NOS1: variants seen among roughly 807,000 people sequenced by gnomAD.
NOS1 encodes the protein nitric oxide synthase 1.
A neutral mutation model predicts 164.5 loss-of-function variants in NOS1; 51 were observed. The ratio of observed to expected loss-of-function variants is 0.31; its 90% CI spans 0.25 to 0.39. The LOEUF (loss-of-function observed/expected upper bound fraction) is 0.39. NOS1 is among the 10% of genes least tolerant of loss of function. The probability of loss-of-function intolerance (pLI) is 1.00; values close to 1 mark genes in which losing one functional copy is unlikely to be tolerated. For synonymous variants in NOS1, 719 were observed against 745.8 expected, an observed-to-expected ratio of 0.96 and a Z score of 0.59; for missense variants, 1,362 against 1,885.6, an observed-to-expected ratio of 0.72 and a Z score of 5.14.
chr12:117,312,789 G>T (rs1473839668), intron 2 of NOS1, among the ~76,000 whole-genome samples: 3 of 151,994 alleles, frequency 2.0e-5, no homozygotes, highest in Non-Finnish European at 2.9e-5. Flanking sequence ...GTTGCTCAAG[G>T]TCACACAGTG....
intron 16 of NOS1, 21 bp from the exon 17 acceptor site, chr12:117,253,775 C>A: frequency 6.4e-7 from 1 of 1,559,662 alleles, no homozygotes; most frequent in Non-Finnish European, 8.8e-7. Context: ...CAAAGAGAAC[C>A]TGTGAGCTCT....
At chr12:117,257,607 CTTTTTTTTT>C (rs151304592) in intron 16 of NOS1, among the ~76,000 whole-genome samples, 3 of 99,122 alleles carry the variant, frequency 3.0e-5, no homozygotes, top group African/African-American at 4.4e-5. Flanking sequence ...TTGATTTTAG[CTTTTTTTTT>C]TTTTTTTTTT....
intron 1 of NOS1, among the ~76,000 whole-genome samples, chr12:117,355,254 G>A (rs1378725098): frequency 6.6e-6 from 1 of 152,170 alleles, no homozygotes; most frequent in East Asian, 1.9e-4. Flanking sequence ...GAAATGCCCA[G>A]GCTGGAAATG....
intron 1 of NOS1, among the ~76,000 whole-genome samples, chr12:117,353,668 G>T (rs1876734812): frequency 6.6e-6 from 1 of 152,210 alleles, no homozygotes; most frequent in African/African-American, 2.4e-5. Context: ...TTAGCATCAT[G>T]TAGGCTGGTT....
Position 117,213,681 on chromosome 12 carries a change from A to G in NOS1, c.*1628T>C. ...AACAAGATATGCCCACGTACAGTAT[A>G]TAAAAGAAATGTGGTTTTTCTGTAT... On this transcript the variant is annotated 3_prime_UTR_variant, in exon 29 of 29. Transcript: ENST00000317775. 1 of 985,464 alleles carries G rather than the reference A, an allele frequency of 1.0e-6. No homozygotes were observed. Among genetic ancestry groups the G allele is most frequent in the Non-Finnish European group, 1.2e-6 (1 of 829,936 alleles). The allele number at this position is 985,464 out of a possible 1,614,324, so 61.0% of individuals were successfully genotyped here. A position where few individuals can be genotyped will look rare whatever the true frequency, so the allele number is the denominator to read the frequency against.
intron 2 of NOS1, among the ~76,000 whole-genome samples, chr12:117,325,687 AC>A (rs1201671442): frequency 6.6e-6 from 1 of 152,194 alleles, no homozygotes; most frequent in Non-Finnish European, 1.5e-5. Context: ...AAATTGATTT[AC>A]CCATCGTTTT....
At chr12:117,223,000 T>G (rs564521890) in intron 25 of NOS1, 137 bp from the exon 26 acceptor site, 2 of 939,498 alleles carry the variant, frequency 2.1e-6, no homozygotes, top group Admixed American at 2.5e-5. Flanking sequence ...GACAGGCAGA[T>G]GTATGCGTGC....
intron 9 of NOS1, among the ~76,000 whole-genome samples, chr12:117,277,692 G>T (rs1592980233): frequency 6.6e-6 from 1 of 152,184 alleles, no homozygotes; most frequent in African/African-American, 2.4e-5. Context: ...AATGCTTAGG[G>T]CTGGAAGAAG....
At chr12:117,240,550 C>T (rs778065713) in intron 20 of NOS1, among the ~76,000 whole-genome samples, 14 of 152,180 alleles carry the variant, frequency 9.2e-5, no homozygotes, top group South Asian at 4.1e-4. Flanking sequence ...GTCAGATAAC[C>T]GGGTCGGTGT....
intron 10 of NOS1, among the ~76,000 whole-genome samples, chr12:117,271,556 G>A (rs938540768): frequency 2.6e-5 from 4 of 152,184 alleles, no homozygotes; most frequent in African/African-American, 7.2e-5. Context: ...TTACAGGCAT[G>A]AGCCACCGCG....
chr12:117,321,866 C>T (rs1874942634), intron 2 of NOS1, among the ~76,000 whole-genome samples: 1 of 152,056 alleles, frequency 6.6e-6, no homozygotes, highest in Non-Finnish European at 1.5e-5. Context: ...CAGTCCTCTT[C>T]CCTGCTGTAG....
intron 2 of NOS1, among the ~76,000 whole-genome samples, chr12:117,314,562 C>T (rs1874587834): frequency 6.6e-6 from 1 of 152,072 alleles, no homozygotes; most frequent in South Asian, 2.1e-4. Flanking sequence ...GCATATAGTA[C>T]AGCTGGGATT....
rs188225824 is a variant in NOS1, at chr12:117,265,337, G to A, written c.2115C>T (p.Leu705=). The A allele has an allele frequency of 1.9e-5, 29 of 1,555,868 alleles. No individual in the cohort carries two copies. The African/African-American group carries it at 3.1e-4, about 17-fold the overall frequency. ...VFHQEMLNYR[L]TPSFEYQPDP... ...GGACCTGGTATTCGAAGGAGGGGGTGAGCCGGTAGTTGAGCATCTCCTGGT... is the reference window on the plus strand; with the variant it reads ...GGACCTGGTATTCGAAGGAGGGGGTAAGCCGGTAGTTGAGCATCTCCTGGT... The change falls in exon 12 of 29, where the codon CTC becomes CTT. Residue 705 remains leucine, a synonymous_variant. Coordinates refer to ENST00000317775, the MANE Select transcript of NOS1 (RefSeq NM_000620.5).
intron 2 of NOS1, among the ~76,000 whole-genome samples, chr12:117,325,148 T>C (rs1358956105): frequency 1.3e-5 from 2 of 152,112 alleles, no homozygotes; most frequent in African/African-American, 2.4e-5. Context: ...TGGGTTTTCT[T>C]GGGCCAGTGA....
intron 7 of NOS1, among the ~76,000 whole-genome samples, chr12:117,281,962 G>T (rs745844410): frequency 6.6e-6 from 1 of 151,866 alleles, no homozygotes; most frequent in Non-Finnish European, 1.5e-5. Context: ...TCATTAAAAA[G>T]CAATCAGCTT....
chr12:117,226,778 A>T lies in NOS1; in HGVS notation c.3617-8T>A. 1 of 1,612,488 alleles carries T rather than the reference A, an allele frequency of 6.2e-7. No individual in the cohort carries two copies. The highest frequency in any genetic ancestry group is 8.5e-7 in the Non-Finnish European group (1 of 1,178,828). On this transcript the variant is annotated splice_region_variant and splice_polypyrimidine_tract_variant and intron_variant, in intron 23 of 28. Coordinates refer to ENST00000317775, the MANE Select transcript of NOS1 (RefSeq NM_000620.5). The stretch of plus-strand genomic sequence containing the variant: ...GAATTGGTCCTTCTCCATCTAGTAG[A>T]ATAACCAAGGCAGTCAGGGCCACCC...
rs949696308 is a variant in NOS1 at position 117,255,838 on chromosome 12, T to A, written c.2532-2084A>T. ...GACACAGCTCAGGTTAGAACTCGGA[T>A]CTCCTTGAGACCTAGATGTGTGGCC... On this transcript the variant is annotated intron_variant, in intron 16 of 28. Coordinates refer to ENST00000317775, the MANE Select transcript of NOS1 (RefSeq NM_000620.5). 11 of 652,288 alleles carry A rather than the reference T, an allele frequency of 1.7e-5. No individual in the cohort carries two copies. In the African/African-American group the frequency reaches 2.0e-4, roughly 12 times the overall value. 40.4% of individuals were successfully genotyped at this position (652,288 alleles called of 1,614,324 possible).
chr12:117,268,791 G>A (rs1872604117), intron 10 of NOS1, among the ~76,000 whole-genome samples: 1 of 149,188 alleles, frequency 6.7e-6, no homozygotes. Flanking sequence ...TAGAGAGGGG[G>A]TTTCACCGTG....
chr12:117,308,141 G>C (rs1027333816), intron 3 of NOS1, among the ~76,000 whole-genome samples: 4 of 152,088 alleles, frequency 2.6e-5, no homozygotes, highest in African/African-American at 9.7e-5. Context: ...GAGTGGTGAG[G>C]TTTGTGGCCA....
Sources: allele counts gnomAD v4.1 joint callset (sites outside exome capture counted in the v4.1 genomes callset), GRCh38; gene constraint gnomAD v4.1.1; transcripts MANE v1.5; gene names NCBI Gene and HGNC (gene_info 2026-07-23, HGNC 2026-07-21).